The following UCN variants were observed in gnomAD, a reference collection of about 807,000 sequenced individuals.
UCN encodes the protein urocortin, also known as prepro-urocortin.
UCN carries 5 observed loss-of-function variants against 6.5 expected under a neutral mutation model. The ratio of observed to expected loss-of-function variants is 0.77; its 90% CI spans 0.40 to 1.62. The LOEUF (loss-of-function observed/expected upper bound fraction) is 1.62, where lower values mean the gene tolerates loss of function less well. UCN is among the 40% of genes most tolerant of loss of function. UCN has a pLI of 0.02. For missense variants in UCN, 195 were observed against 188.8 expected, an observed-to-expected ratio of 1.03 and a Z score of -0.19; for synonymous variants, 95 against 96.4, an observed-to-expected ratio of 0.99 and a Z score of 0.09.
rs1043898933 is a variant in UCN at position 27,307,994 on chromosome 2, C to T, written c.-13-86G>A. On this transcript the variant is annotated intron_variant, in intron 1 of 1. Transcript: ENST00000296099. This position sits in a 1 kb window ranked among gnomAD's most constrained non-coding sequence, Gnocchi z 6.9. ...CCCTCCCCGCGCTCGCCCGGCGACC[C>T]CTCCGGCCGCCGCCCAATGCCCGCA... The T allele has an allele frequency of 3.3e-5, 41 of 1,241,958 alleles. No individual in the cohort carries two copies. The Middle Eastern group carries it at 8.9e-4, about 27-fold the overall frequency. The allele number at this position is 1,241,958 out of a possible 1,614,324, so 76.9% of individuals were successfully genotyped here.
Position 27,307,999 on chromosome 2 carries a change from G to A in UCN, c.-13-91C>T. Reference sequence around the variant, plus strand: ...CCCGCGCTCGCCCGGCGACCCCTCCGGCCGCCGCCCAATGCCCGCAGCCTG... The same window carrying A: ...CCCGCGCTCGCCCGGCGACCCCTCCAGCCGCCGCCCAATGCCCGCAGCCTG... On this transcript the variant is annotated intron_variant, in intron 1 of 1. Coordinates refer to ENST00000296099, the MANE Select transcript of UCN (RefSeq NM_003353.4). The surrounding 1 kb of genome is among the most constrained non-coding windows in gnomAD (Gnocchi z 6.9). 1.6e-6 allele frequency: 2 copies of A among 1,231,896 alleles called. No homozygotes were observed. Among genetic ancestry groups the A allele is most frequent in the Non-Finnish European group, 2.1e-6 (2 of 965,998 alleles). 76.3% of individuals were successfully genotyped at this position (1,231,896 alleles called of 1,614,324 possible). A position where few individuals can be genotyped will look rare whatever the true frequency, so the allele number is the denominator to read the frequency against.
In UCN at chr2:27,307,860, C is replaced by A; in HGVS notation, c.36G>T (p.Ala12=). 6.7e-7 allele frequency: 1 copy of A among 1,491,078 alleles called. No individual in the cohort carries two copies. The highest frequency in any genetic ancestry group is 8.9e-7 in the Non-Finnish European group (1 of 1,128,382). 92.4% of individuals were successfully genotyped at this position (1,491,078 alleles called of 1,614,324 possible). Residue 12 remains alanine, a synonymous_variant, in exon 2 of 2, where the codon GCG becomes GCT. Transcript: ENST00000296099. The surrounding 1 kb of genome is among the most constrained non-coding windows in gnomAD (Gnocchi z 6.9). The stretch of plus-strand genomic sequence containing the variant: ...GGCACAGCTGTACCAGGAGCAGCAG[C>A]GCGGCCAGCAGCGCTGCGCGTCCCG... The part of the protein sequence containing the change: ...RQAGRAALLA[A]LLLLVQLCPG...
rs1450998313 is a variant in UCN, at chr2:27,307,502, G to C, written c.*19C>G. On this transcript the variant is annotated 3_prime_UTR_variant, in exon 2 of 2. Coordinates refer to ENST00000296099, the MANE Select transcript of UCN (RefSeq NM_003353.4). The surrounding 1 kb of genome is among the most constrained non-coding windows in gnomAD (Gnocchi z 6.9). Reference sequence around the variant, plus strand: ...GTGGGGGAAAGGGGTCAACGTTTTCGCAGCCCCAAACCGGGCCATCACTTG... The same window carrying C: ...GTGGGGGAAAGGGGTCAACGTTTTCCCAGCCCCAAACCGGGCCATCACTTG... The C allele has an allele frequency of 1.3e-5, 21 of 1,612,328 alleles. No homozygotes were observed. The highest frequency in any genetic ancestry group is 1.8e-5 in the Non-Finnish European group (21 of 1,179,864).
rs1056212890 is a variant in UCN, at chr2:27,308,003, G to T, written c.-13-95C>A. On this transcript the variant is annotated intron_variant, in intron 1 of 1. Coordinates refer to ENST00000296099, the MANE Select transcript of UCN (RefSeq NM_003353.4). This position sits in a 1 kb window ranked among gnomAD's most constrained non-coding sequence, Gnocchi z 4.2. ...CGCTCGCCCGGCGACCCCTCCGGCC[G>T]CCGCCCAATGCCCGCAGCCTGCCCT... is the stretch of plus-strand genomic sequence containing the variant. 3.5e-6 allele frequency: 4 copies of T among 1,155,504 alleles called. No individual in the cohort carries two copies. The highest frequency in any genetic ancestry group is 4.5e-6 in the Non-Finnish European group (4 of 896,768). 71.6% of individuals were successfully genotyped at this position (1,155,504 alleles called of 1,614,324 possible). A position where few individuals can be genotyped will look rare whatever the true frequency, so the allele number is the denominator to read the frequency against.
In UCN at chr2:27,307,518, C is replaced by CCAT; in HGVS notation, c.375_*2dup. ...AACGTTTTCGCAGCCCCAAACCGGGCCATCACTTGCCCACCGAGTCGAATA... is the reference window on the plus strand; with the variant it reads ...AACGTTTTCGCAGCCCCAAACCGGGCCATCATCACTTGCCCACCGAGTCGAATA... On this transcript the variant is annotated 3_prime_UTR_variant, in exon 2 of 2. Transcript: ENST00000296099. The surrounding 1 kb of genome is among the most constrained non-coding windows in gnomAD (Gnocchi z 6.9). 6.2e-7 allele frequency: 1 copy of CCAT among 1,612,878 alleles called. No homozygotes were observed. The highest frequency in any genetic ancestry group is 2.2e-5 in the East Asian group (1 of 44,848).
In UCN at chr2:27,307,740, G is replaced by A; in HGVS notation, c.156C>T (p.Arg52=). 1 of 1,509,256 alleles carries A rather than the reference G, an allele frequency of 6.6e-7. No individual in the cohort carries two copies. The allele number at this position is 1,509,256 out of a possible 1,614,324, so 93.5% of individuals were successfully genotyped here. The change falls in exon 2 of 2, where the codon CGC becomes CGT. Residue 52 remains arginine, a synonymous_variant. Coordinates refer to ENST00000296099, the MANE Select transcript of UCN (RefSeq NM_003353.4). The surrounding 1 kb of genome is among the most constrained non-coding windows in gnomAD (Gnocchi z 6.9). ...GCTCCGCCAGCAGCAAGAGGAGCGC[G>A]CGGGCCCCGCCACCCTGGTTCCGTG... ...PGARNQGGGA[R]ALLLLLAERF... is the part of the protein sequence containing the mutation.
rs1271509604 is a variant in UCN, at chr2:27,308,154, A to T, written c.-14+6T>A. On this transcript the variant is annotated splice_donor_region_variant and intron_variant, in intron 1 of 1. Transcript: ENST00000296099. This position sits in a 1 kb window ranked among gnomAD's most constrained non-coding sequence, Gnocchi z 4.2. ...GGAGGCTGGGCGGACGCTCTGAGCCACTCACAGGTTGTCGGCGAGCGTCTG... is the reference window on the plus strand; with the variant it reads ...GGAGGCTGGGCGGACGCTCTGAGCCTCTCACAGGTTGTCGGCGAGCGTCTG... 2.6e-5 allele frequency: 10 copies of T among 381,468 alleles called. No homozygotes were observed. Among genetic ancestry groups the T allele is most frequent in the Non-Finnish European group, 4.6e-5 (10 of 216,344 alleles). The allele number at this position is 381,468 out of a possible 1,614,324, so 23.6% of individuals were successfully genotyped here. A position where few individuals can be genotyped will look rare whatever the true frequency, so the allele number is the denominator to read the frequency against.
Position 27,308,156 on chromosome 2 carries a change from TCA to T in UCN, c.-14+2_-14+3del, listed in dbSNP as rs1679294978. 5.3e-6 allele frequency: 2 copies of T among 375,922 alleles called. No individual in the cohort carries two copies. The highest frequency in any genetic ancestry group is 9.7e-5 in the Admixed American group (2 of 20,694). 23.3% of individuals were successfully genotyped at this position (375,922 alleles called of 1,614,324 possible). A position where few individuals can be genotyped will look rare whatever the true frequency, so the allele number is the denominator to read the frequency against. On this transcript the variant is annotated splice_donor_variant and splice_donor_region_variant and intron_variant, in intron 1 of 1. Coordinates refer to ENST00000296099, the MANE Select transcript of UCN (RefSeq NM_003353.4). LOFTEE classifies it low-confidence loss of function (5UTR_SPLICE). The surrounding 1 kb of genome is among the most constrained non-coding windows in gnomAD (Gnocchi z 4.2). ...AGGCTGGGCGGACGCTCTGAGCCAC[TCA>T]CAGGTTGTCGGCGAGCGTCTGTACG... is the stretch of plus-strand genomic sequence containing the variant.
In UCN at chr2:27,308,333, G is replaced by A. The variant is rs1006101818; in HGVS notation, c.-187C>T. On this transcript the variant is annotated 5_prime_UTR_variant, in exon 1 of 2. Transcript: ENST00000296099. This position sits in a 1 kb window ranked among gnomAD's most constrained non-coding sequence, Gnocchi z 4.2. ...CGAAGAACATGCACTGATTGTAGAA[G>A]CAATGACAGCCACAGCTTCGAGTCT... 1.3e-5 allele frequency: 2 copies of A among 157,082 alleles called. No homozygotes were observed. Among genetic ancestry groups the A allele is most frequent in the African/African-American group, 4.8e-5 (2 of 41,696 alleles). The allele number at this position is 157,082 out of a possible 1,614,324, so 9.7% of individuals were successfully genotyped here.
rs770663528 is a variant in UCN at position 27,307,576 on chromosome 2, C to T, written c.320G>A (p.Ser107Asn). 6.2e-7 allele frequency: 1 copy of T among 1,612,960 alleles called. No homozygotes were observed. Among genetic ancestry groups the T allele is most frequent in the South Asian group, 1.1e-5 (1 of 91,076 alleles). Residue 107 changes from serine (S) to asparagine (N), a missense_variant, in exon 2 of 2, where the codon AGC (serine) becomes AAC (asparagine). Coordinates refer to ENST00000296099, the MANE Select transcript of UCN (RefSeq NM_003353.4). This position sits in a 1 kb window ranked among gnomAD's most constrained non-coding sequence, Gnocchi z 6.9. ...GTTCTGCTCGGCGCGCTCCCGCTGG[C>T]TCTGCGTCCGCGCCAGCTCCAGCAG... ...RTLLELARTQ[S>N]QRERAEQNRI... is the part of the protein sequence containing the mutation.
chr2:27,307,667 C>A lies in UCN; in HGVS notation c.229G>T (p.Gly77Cys). ...GPGRLGLGTAGERPRRDNPSL... is the reference protein window; with the variant it reads ...GPGRLGLGTACERPRRDNPSL... ...GGGTTGTCCCGCCGCGGCCGCTCGC[C>A]TGCCGTCCCGAGTCCCAATCGGCCG... Residue 77 changes from glycine to cysteine, a missense_variant, in exon 2 of 2, where the codon GGC (glycine) becomes TGC (cysteine). By Grantham distance (159) the Gly-to-Cys change is radical. Transcript: ENST00000296099. The surrounding 1 kb of genome is among the most constrained non-coding windows in gnomAD (Gnocchi z 6.9). 1 of 1,603,520 alleles carries A rather than the reference C, an allele frequency of 6.2e-7. No individual in the cohort carries two copies. The highest frequency in any genetic ancestry group is 2.3e-5 in the East Asian group (1 of 44,040).
chr2:27,308,135 T>C lies in UCN; in HGVS notation c.-14+25A>G, dbSNP rs1679294337. ...GCGGAGTCCTGGTGCAGGGGGAGGCTGGGCGGACGCTCTGAGCCACTCACA... is the reference window on the plus strand; with the variant it reads ...GCGGAGTCCTGGTGCAGGGGGAGGCCGGGCGGACGCTCTGAGCCACTCACA... On this transcript the variant is annotated intron_variant, in intron 1 of 1. Transcript: ENST00000296099. This position sits in a 1 kb window ranked among gnomAD's most constrained non-coding sequence, Gnocchi z 4.2. 1 of 405,648 alleles carries C rather than the reference T, an allele frequency of 2.5e-6. No individual in the cohort carries two copies. Among genetic ancestry groups the C allele is most frequent in the Non-Finnish European group, 4.3e-6 (1 of 233,102 alleles). 25.1% of individuals were successfully genotyped at this position (405,648 alleles called of 1,614,324 possible). A position where few individuals can be genotyped will look rare whatever the true frequency, so the allele number is the denominator to read the frequency against.
Position 27,307,647 on chromosome 2 carries a change from G to T in UCN, c.249C>A (p.Asp83Glu). The change falls in exon 2 of 2, where the codon GAC becomes GAA. Residue 83 changes from aspartate (D) to glutamate (E), a missense_variant. Coordinates refer to ENST00000296099, the MANE Select transcript of UCN (RefSeq NM_003353.4). This position sits in a 1 kb window ranked among gnomAD's most constrained non-coding sequence, Gnocchi z 6.9. ...LGTAGERPRR[D>E]NPSLSIDLTF... The stretch of plus-strand genomic sequence containing the variant: ...TGAGGTCAATGGACAGAGAAGGGTT[G>T]TCCCGCCGCGGCCGCTCGCCTGCCG... 6.2e-7 allele frequency: 1 copy of T among 1,607,640 alleles called. No individual in the cohort carries two copies. The highest frequency in any genetic ancestry group is 8.5e-7 in the Non-Finnish European group (1 of 1,177,970).
Position 27,307,948 on chromosome 2 carries a change from G to C in UCN, c.-13-40C>G. ...GCAGCGCAGGGTGAGGTGCGCCTGG[G>C]ACAGCTGCAGGCCGCCGCTCCCCTC... On this transcript the variant is annotated intron_variant, in intron 1 of 1. Coordinates refer to ENST00000296099, the MANE Select transcript of UCN (RefSeq NM_003353.4). The surrounding 1 kb of genome is among the most constrained non-coding windows in gnomAD (Gnocchi z 6.9). 1 of 1,337,546 alleles carries C rather than the reference G, an allele frequency of 7.5e-7. No individual in the cohort carries two copies. Among genetic ancestry groups the C allele is most frequent in the Non-Finnish European group, 9.5e-7 (1 of 1,049,436 alleles). 82.9% of individuals were successfully genotyped at this position (1,337,546 alleles called of 1,614,324 possible).
chr2:27,307,812 G>A lies in UCN; in HGVS notation c.84C>T (p.Pro28=), dbSNP rs1202136342. ...TCGGGTCCTGGACCCCGGCCGCCTCGGGGCTCCTCTGGCTGCTCCCAGGGC... is the reference window on the plus strand; with the variant it reads ...TCGGGTCCTGGACCCCGGCCGCCTCAGGGCTCCTCTGGCTGCTCCCAGGGC... ...QLCPGSSQRS[P]EAAGVQDPSL... The change falls in exon 2 of 2, where the codon CCC becomes CCT. Residue 28 remains proline (P), a synonymous_variant. Coordinates refer to ENST00000296099, the MANE Select transcript of UCN (RefSeq NM_003353.4). The surrounding 1 kb of genome is among the most constrained non-coding windows in gnomAD (Gnocchi z 6.9). The A allele has an allele frequency of 3.3e-6, 5 of 1,506,768 alleles. No individual in the cohort carries two copies. The highest frequency in any genetic ancestry group is 1.5e-5 in the African/African-American group (1 of 68,688). The allele number at this position is 1,506,768 out of a possible 1,614,324, so 93.3% of individuals were successfully genotyped here.
chr2:27,307,657 G>A lies in UCN; in HGVS notation c.239C>T (p.Pro80Leu), dbSNP rs1378442665. 6.2e-7 allele frequency: 1 copy of A among 1,606,644 alleles called. No homozygotes were observed. The highest frequency in any genetic ancestry group is 1.1e-5 in the South Asian group (1 of 90,668). Residue 80 changes from proline (P) to leucine (L), a missense_variant, in exon 2 of 2, where the codon CCG becomes CTG. Transcript: ENST00000296099. The surrounding 1 kb of genome is among the most constrained non-coding windows in gnomAD (Gnocchi z 6.9). The stretch of plus-strand genomic sequence containing the variant: ...GGACAGAGAAGGGTTGTCCCGCCGC[G>A]GCCGCTCGCCTGCCGTCCCGAGTCC... ...RLGLGTAGER[P>L]RRDNPSLSID... is the part of the protein sequence containing the mutation.
Position 27,307,763 on chromosome 2 carries a change from G to A in UCN, c.133C>T (p.Arg45Trp), listed in dbSNP as rs1004492813. 2.7e-6 allele frequency: 4 copies of A among 1,507,978 alleles called. No individual in the cohort carries two copies. In the African/African-American group the frequency reaches 4.4e-5, roughly 17 times the overall value. The allele number at this position is 1,507,978 out of a possible 1,614,324, so 93.4% of individuals were successfully genotyped here. Residue 45 changes from arginine to tryptophan, a missense_variant, in exon 2 of 2, where the codon CGG (arginine) becomes TGG (tryptophan). Arg to Trp is a moderately radical substitution (Grantham distance 101). Transcript: ENST00000296099. The surrounding 1 kb of genome is among the most constrained non-coding windows in gnomAD (Gnocchi z 6.9). Reference sequence around the variant, plus strand: ...GCGCGGGCCCCGCCACCCTGGTTCCGTGCCCCGGGGCTCCAGCGCAGACTC... The same window carrying A: ...GCGCGGGCCCCGCCACCCTGGTTCCATGCCCCGGGGCTCCAGCGCAGACTC... The part of the protein sequence containing the change: ...DPSLRWSPGA[R>W]NQGGGARALL...
chr2:27,308,075 C>T lies in UCN; in HGVS notation c.-14+85G>A, dbSNP rs1400447685. On this transcript the variant is annotated intron_variant, in intron 1 of 1. Transcript: ENST00000296099. The surrounding 1 kb of genome is among the most constrained non-coding windows in gnomAD (Gnocchi z 4.2). ...GTGCTGTTCCATCCCTTCCACCCAG[C>T]CTCCCTCCCCGGAGGAGCGTGGTGG... The T allele has an allele frequency of 1.2e-4, 69 of 592,008 alleles. No individual in the cohort carries two copies. The highest frequency in any genetic ancestry group is 1.8e-5 in the Non-Finnish European group (7 of 392,440). The allele number at this position is 592,008 out of a possible 1,614,324, so 36.7% of individuals were successfully genotyped here.
rs368755095 is a variant in UCN, at chr2:27,307,789, G to A, written c.107C>T (p.Pro36Leu). The change falls in exon 2 of 2, where the codon CCG (proline) becomes CTG (leucine). Residue 36 changes from proline (P) to leucine (L), a missense_variant. Physicochemically the swap from Pro to Leu is moderately conservative, Grantham distance 98. Coordinates refer to ENST00000296099, the MANE Select transcript of UCN (RefSeq NM_003353.4). The surrounding 1 kb of genome is among the most constrained non-coding windows in gnomAD (Gnocchi z 6.9). Reference protein sequence around the residue: ...RSPEAAGVQDPSLRWSPGARN... With the variant: ...RSPEAAGVQDLSLRWSPGARN... ...TGCCCCGGGGCTCCAGCGCAGACTC[G>A]GGTCCTGGACCCCGGCCGCCTCGGG... The A allele has an allele frequency of 2.0e-6, 3 of 1,511,458 alleles. No homozygotes were observed. The highest frequency in any genetic ancestry group is 2.9e-5 in the African/African-American group (2 of 68,718). The allele number at this position is 1,511,458 out of a possible 1,614,324, so 93.6% of individuals were successfully genotyped here.
Sources: allele counts gnomAD v4.1 joint callset, GRCh38; gene constraint gnomAD v4.1.1; non-coding constraint Gnocchi (gnomAD v3.1); transcripts MANE v1.5; gene names NCBI Gene and HGNC (gene_info 2026-07-23, HGNC 2026-07-21).